Variants in ARPC1A observed in about 807,000 individuals in gnomAD.
ARPC1A encodes actin related protein 2/3 complex subunit 1A.
A neutral mutation model predicts 46.9 loss-of-function variants in ARPC1A; 8 were observed. That is an observed-to-expected ratio of 0.17 (90% CI 0.10 to 0.31). ARPC1A has a LOEUF of 0.31. ARPC1A is among the 10% of genes least tolerant of loss of function. The pLI is 1.00. For synonymous variants in ARPC1A, 152 were observed against 169.0 expected, an observed-to-expected ratio of 0.90 and a Z score of 0.78; for missense variants, 286 against 483.6, an observed-to-expected ratio of 0.59 and a Z score of 3.83.
chr7:99,338,321 T>C (rs1434081425), intron 3 of ARPC1A, 36 bp downstream of exon 3: 1 of 1,482,926 alleles, frequency 6.7e-7, no homozygotes, highest in Admixed American at 1.9e-5. Flanking sequence ...GTGTGATATT[T>C]CCAAATCAGG....
intron 8 of ARPC1A, 92 bp downstream of exon 8, chr7:99,359,830 C>T (rs1793710727): frequency 2.2e-6 from 3 of 1,386,028 alleles, no homozygotes; most frequent in South Asian, 2.4e-5. Flanking sequence ...AGCTCTATGC[C>T]CCTCAGGCCC....
intron 5 of ARPC1A, among the ~76,000 whole-genome samples, chr7:99,351,236 C>T (rs1192240274): frequency 6.6e-6 from 1 of 152,034 alleles, no homozygotes; most frequent in Non-Finnish European, 1.5e-5. Context: ...ATATTAATTT[C>T]CCCTAGTTTC....
At position 99,360,068 on chromosome 7, in the gene ARPC1A, G is replaced by A. The variant is rs745651349; in HGVS notation, c.983+330G>A. ...CTAGGGTACCCTTTCTCAGCTACTC[G>A]AGAACAAAAGGAGACATTCCTGAAT... On this transcript the variant is annotated intron_variant, in intron 8 of 9. Transcript: ENST00000262942. 10 of 381,116 alleles carry A rather than the reference G, an allele frequency of 2.6e-5. No individual in the cohort carries two copies. In the East Asian group the frequency reaches 3.2e-4, roughly 12 times the overall value. 23.6% of individuals were successfully genotyped at this position (381,116 alleles called of 1,614,324 possible).
intron 3 of ARPC1A, among the ~76,000 whole-genome samples, chr7:99,342,628 C>G (rs1341333274): frequency 6.6e-6 from 1 of 151,334 alleles, no homozygotes; most frequent in Non-Finnish European, 1.5e-5. Context: ...AGAACACATT[C>G]TCATATTTTC....
chr7:99,353,667 C>T (rs772703386), intron 5 of ARPC1A, among the ~76,000 whole-genome samples: 6 of 151,080 alleles, frequency 4.0e-5, no homozygotes, highest in African/African-American at 1.2e-4. Context: ...TTAGTAGAGA[C>T]GGGGTTTCTC....
chr7:99,347,139 G>A (rs537123147), intron 4 of ARPC1A, among the ~76,000 whole-genome samples: 32 of 151,818 alleles, frequency 2.1e-4, no homozygotes, highest in Non-Finnish European at 4.1e-4. Context: ...GTACAAACAC[G>A]GCTCACTGCA....
chr7:99,339,367 A>G (rs949904975), intron 3 of ARPC1A, among the ~76,000 whole-genome samples: 1 of 152,032 alleles, frequency 6.6e-6, no homozygotes, highest in Non-Finnish European at 1.5e-5. Flanking sequence ...GGGCAACATA[A>G]TGAGACCCCC....
intron 6 of ARPC1A, among the ~76,000 whole-genome samples, chr7:99,355,596 T>C (rs182871313): frequency 3.2e-4 from 48 of 150,366 alleles, no homozygotes; most frequent in African/African-American, 1.1e-3. Flanking sequence ...ATACAAAAAT[T>C]AGCCCAGCAT....
chr7:99,337,777 A>C (rs1462433579), intron 2 of ARPC1A, among the ~76,000 whole-genome samples: 1 of 152,148 alleles, frequency 6.6e-6, no homozygotes, highest in African/African-American at 2.4e-5. Context: ...TCCATAACCT[A>C]TTTTCAGTGT....
chr7:99,354,815 C>G (rs1793603581), intron 6 of ARPC1A, among the ~76,000 whole-genome samples: 1 of 151,924 alleles, frequency 6.6e-6, no homozygotes, highest in African/African-American at 2.4e-5. Context: ...AACCCTGTCT[C>G]TAATAAAAAT....
intron 3 of ARPC1A, among the ~76,000 whole-genome samples, chr7:99,342,909 G>A (rs1422416941): frequency 1.3e-5 from 2 of 151,180 alleles, no homozygotes; most frequent in Non-Finnish European, 2.9e-5. Context: ...TTTTTAATAG[G>A]GACAGGGTTT....
rs563805964 is a variant in ARPC1A at position 99,328,962 on chromosome 7, CAG to C, written c.-30+2968_-30+2969del. On this transcript the variant is annotated intron_variant, in intron 1 of 9. Transcript: ENST00000262942. ...CAAGACCTTGTCTGAGAAAAAAACT[CAG>C]AGAGAGAGAAAAGGGATGAGGGGGG... Among the ~76,000 whole-genome samples the C allele has an allele frequency of 3.8e-3, 549 of 143,464 alleles. 4 individuals carry two copies. Among genetic ancestry groups the C allele is most frequent in the Middle Eastern group, 0.025 (7 of 276 alleles). The allele number at this position is 143,464 out of a possible 152,430, so 94.1% of individuals were successfully genotyped here. A position where few individuals can be genotyped will look rare whatever the true frequency, so the allele number is the denominator to read the frequency against.
At chr7:99,328,851 T>C (rs1355145348) in intron 1 of ARPC1A, among the ~76,000 whole-genome samples, 1 of 151,928 alleles carries the variant, frequency 6.6e-6, no homozygotes, top group Non-Finnish European at 1.5e-5. Context: ...CTCAGGAGGC[T>C]AAAGTGGGAG....
At position 99,363,683 on chromosome 7, in the gene ARPC1A, T is replaced by C. The variant is rs1482651795; in HGVS notation, c.1074+50T>C. ...TTTTGTTTGTGTTAAAACTTTTTTT[T>C]TTTTTTTTAAGAGATAGGCTCCTTC... On this transcript the variant is annotated intron_variant, in intron 9 of 9. Coordinates refer to ENST00000262942, the MANE Select transcript of ARPC1A (RefSeq NM_006409.4). 3.4e-6 allele frequency: 5 copies of C among 1,452,022 alleles called. No individual in the cohort carries two copies. In the African/African-American group the frequency reaches 5.8e-5, roughly 17 times the overall value. 89.9% of individuals were successfully genotyped at this position (1,452,022 alleles called of 1,614,324 possible).
chr7:99,338,125 T>G, intron 2 of ARPC1A, 56 bp from the exon 3 acceptor site: 1 of 1,348,906 alleles, frequency 7.4e-7, no homozygotes, highest in Non-Finnish European at 1.0e-6. Flanking sequence ...ACATGTCCCC[T>G]TTTTGGTGAC....
Position 99,344,273 on chromosome 7 carries a change from G to A in ARPC1A, c.170-20G>A. The stretch of plus-strand genomic sequence containing the variant: ...TTGTCATTGACTGGGCAAAGCAGAT[G>A]ACCCATGTCTCACTTGCAGGTATTG... On this transcript the variant is annotated intron_variant, in intron 3 of 9. Transcript: ENST00000262942. 5 of 1,612,390 alleles carry A rather than the reference G, an allele frequency of 3.1e-6. No homozygotes were observed. The highest frequency in any genetic ancestry group is 4.2e-6 in the Non-Finnish European group (5 of 1,178,536).
rs150760777 is a variant in ARPC1A at position 99,348,299 on chromosome 7, C to A, written c.393-553C>A. Among the ~76,000 whole-genome samples, 855 of 152,290 alleles carry A rather than the reference C, an allele frequency of 5.6e-3. 6 individuals are homozygous for A. The highest frequency in any genetic ancestry group is 0.019 in the African/African-American group (781 of 41,560). On this transcript the variant is annotated intron_variant, in intron 4 of 9. Transcript: ENST00000262942. ...CTCACGAAAACATAACTGAGTTAAT[C>A]AATATCTATGCTTACTAATGAGGAC...
At chr7:99,343,810 TC>T (rs1793394147) in intron 3 of ARPC1A, among the ~76,000 whole-genome samples, 1 of 152,132 alleles carries the variant, frequency 6.6e-6, no homozygotes, top group Non-Finnish European at 1.5e-5. Context: ...AATATATAGT[TC>T]CCCCTCTTTA....
chr7:99,363,754 AG>A, intron 9 of ARPC1A, 121 bp downstream of exon 9: 2 of 685,544 alleles, frequency 2.9e-6, no homozygotes, highest in Non-Finnish European at 4.7e-6. Flanking sequence ...GGCTCACTGC[AG>A]CCACCAACTC....
Sources: gnomAD v4.1 joint callset for allele counts (sites outside exome capture counted in the v4.1 genomes callset) on GRCh38, gnomAD v4.1.1 for gene constraint, MANE v1.5 for transcripts, NCBI Gene and HGNC (gene_info 2026-07-23, HGNC 2026-07-21) for gene names.